Variants in SCN2B observed in about 807,000 individuals in gnomAD.
SCN2B encodes the protein sodium voltage-gated channel beta subunit 2, also known as sodium channel regulatory subunit beta-2.
A neutral mutation model predicts 18.2 loss-of-function variants in SCN2B; 14 were observed. The ratio of observed to expected loss-of-function variants is 0.77; its 90% CI spans 0.51 to 1.21. The LOEUF is 1.21. SCN2B is among the 50% of genes most tolerant of loss of function. SCN2B has a pLI of 0.00. For synonymous variants in SCN2B, 115 were observed against 115.3 expected (o/e 1.00, Z 0.02); for missense variants, 262 against 286.9 (o/e 0.91, Z 0.63).
intron 1 of SCN2B, among the ~76,000 whole-genome samples, chr11:118,171,570 G>C (rs1948431286): frequency 6.6e-6 from 1 of 152,254 alleles, no homozygotes; most frequent in African/African-American, 2.4e-5. Flanking sequence ...GGCGGACTCT[G>C]TGCGGGCCTC....
intron 1 of SCN2B, among the ~76,000 whole-genome samples, chr11:118,170,801 T>C (rs1181329016): frequency 6.6e-6 from 1 of 152,160 alleles, no homozygotes; most frequent in East Asian, 1.9e-4. Context: ...AAATGGTAGC[T>C]GCTATTATCC....
chr11:118,174,754 C>G (rs1483607899), intron 1 of SCN2B, among the ~76,000 whole-genome samples: 1 of 152,178 alleles, frequency 6.6e-6, no homozygotes, highest in East Asian at 1.9e-4. Context: ...GGGTCCTGGT[C>G]ACTGAGCCCC....
rs1311411817 is a variant in SCN2B at position 118,165,177 on chromosome 11, A to G, written c.*1710T>C. 2.0e-5 allele frequency: 3 copies of G among 152,516 alleles called. No homozygotes were observed. Among genetic ancestry groups the G allele is most frequent in the Non-Finnish European group, 2.9e-5 (2 of 68,080 alleles). The allele number at this position is 152,516 out of a possible 1,614,324, so 9.4% of individuals were successfully genotyped here. A position where few individuals can be genotyped will look rare whatever the true frequency, so the allele number is the denominator to read the frequency against. ...GAAGCCCACCCCTCCAACTCGCCCC[A>G]TCATAGACCAGGACACAGAGGCCCC... On this transcript the variant is annotated 3_prime_UTR_variant, in exon 4 of 4. Transcript: ENST00000278947.
chr11:118,176,017 G>T (rs1196092435), intron 1 of SCN2B, among the ~76,000 whole-genome samples: 1 of 152,160 alleles, frequency 6.6e-6, no homozygotes, highest in Non-Finnish European at 1.5e-5. Context: ...CCCCGCATTT[G>T]CAGCAACTCC....
At position 118,176,445 on chromosome 11, in the gene SCN2B, G is replaced by T. The variant is rs1184376322; in HGVS notation, c.-14C>A. 1 of 1,611,664 alleles carries T rather than the reference G, an allele frequency of 6.2e-7. No homozygotes were observed. Among genetic ancestry groups the T allele is most frequent in the African/African-American group, 1.3e-5 (1 of 74,656 alleles). ...ATCTCTGTGCATTTTCAGAGACTGA[G>T]ATGTTAGTCGGGTGGGCTACGGGAG... On this transcript the variant is annotated 5_prime_UTR_variant, in exon 1 of 4. Coordinates refer to ENST00000278947, the MANE Select transcript of SCN2B (RefSeq NM_004588.5).
intron 1 of SCN2B, among the ~76,000 whole-genome samples, chr11:118,172,858 T>C (rs936748902): frequency 2.6e-5 from 4 of 151,508 alleles, no homozygotes; most frequent in African/African-American, 9.7e-5. Context: ...CTTTCCACCC[T>C]ACAGCAACCT....
rs896386740 is a variant in SCN2B at position 118,169,937 on chromosome 11, C to T, written c.71-1186G>A. Among the ~76,000 whole-genome samples the T allele has an allele frequency of 1.2e-4, 19 of 152,196 alleles. 1 individual carries two copies. Among genetic ancestry groups the T allele is most frequent in the Admixed American group, 2.6e-4 (4 of 15,282 alleles). On this transcript the variant is annotated intron_variant, in intron 1 of 3. Transcript: ENST00000278947. ...CTCCTTAAATGTCACGCCCTAGGCA[C>T]CTCACTGGACTCACCTGAGCCCTGG...
intron 1 of SCN2B, among the ~76,000 whole-genome samples, chr11:118,171,612 G>T (rs1247477171): frequency 6.6e-6 from 1 of 152,250 alleles, no homozygotes; most frequent in Non-Finnish European, 1.5e-5. Flanking sequence ...CAGTGCTCCA[G>T]ATTAGAACTT....
chr11:118,174,111 T>TG (rs1948451555), intron 1 of SCN2B, among the ~76,000 whole-genome samples: 1 of 130,556 alleles, frequency 7.7e-6, no homozygotes, highest in African/African-American at 3.2e-5. Context: ...TTTTTTTTTT[T>TG]TTTTTTTTTG....
At chr11:118,169,681 C>A (rs1361116229) in intron 1 of SCN2B, among the ~76,000 whole-genome samples, 1 of 152,214 alleles carries the variant, frequency 6.6e-6, no homozygotes, top group African/African-American at 2.4e-5. Context: ...TTGAAGATGT[C>A]AACCTGGAGA....
chr11:118,173,840 A>G (rs1160888829), intron 1 of SCN2B, among the ~76,000 whole-genome samples: 1 of 152,142 alleles, frequency 6.6e-6, no homozygotes, highest in Admixed American at 6.6e-5. Flanking sequence ...CTTTCTCTCC[A>G]TGTCTGGGTC....
Position 118,170,766 on chromosome 11 carries a change from T to C in SCN2B, c.71-2015A>G, listed in dbSNP as rs76752268. On this transcript the variant is annotated intron_variant, in intron 1 of 3. Coordinates refer to ENST00000278947, the MANE Select transcript of SCN2B (RefSeq NM_004588.5). Reference sequence around the variant, plus strand: ...CGATCTCCCAGGGTTGTTTCGATAATGAAAAGAAGCAGTAAGTATTCAGCA... The same window carrying C: ...CGATCTCCCAGGGTTGTTTCGATAACGAAAAGAAGCAGTAAGTATTCAGCA... Among the ~76,000 whole-genome samples, 870 of 152,286 alleles carry C rather than the reference T, an allele frequency of 5.7e-3. 4 individuals carry two copies. The highest frequency in any genetic ancestry group is 0.02 in the East Asian group (103 of 5,180).
Position 118,166,637 on chromosome 11 carries a change from C to T in SCN2B, c.*250G>A. The T allele has an allele frequency of 1.8e-6, 1 of 554,630 alleles. No individual in the cohort carries two copies. Among genetic ancestry groups the T allele is most frequent in the South Asian group, 2.0e-5 (1 of 49,426 alleles). The allele number at this position is 554,630 out of a possible 1,614,324, so 34.4% of individuals were successfully genotyped here. On this transcript the variant is annotated 3_prime_UTR_variant, in exon 4 of 4. Coordinates refer to ENST00000278947, the MANE Select transcript of SCN2B (RefSeq NM_004588.5). ...CCTCCTGCCTCCCCCCAGGGACTGG[C>T]AGGTGGGAGCCCTTTCTCTCCTCTC...
chr11:118,170,994 A>C (rs1053370159), intron 1 of SCN2B, among the ~76,000 whole-genome samples: 14 of 151,954 alleles, frequency 9.2e-5, no homozygotes, highest in African/African-American at 2.7e-4. Flanking sequence ...CCGTAGAAGC[A>C]GCCGCCCTGC....
At position 118,168,428 on chromosome 11, in the gene SCN2B, G is replaced by A; in HGVS notation, c.238-133C>T. 4 of 1,260,182 alleles carry A rather than the reference G, an allele frequency of 3.2e-6. No homozygotes were observed. Among genetic ancestry groups the A allele is most frequent in the Non-Finnish European group, 4.6e-6 (4 of 861,352 alleles). 78.1% of individuals were successfully genotyped at this position (1,260,182 alleles called of 1,614,324 possible). ...AGTTACCTCTGTGAGGCACCTGGATGCGCAGCACACCTTGTTTCAAGAGCC... is the reference window on the plus strand; with the variant it reads ...AGTTACCTCTGTGAGGCACCTGGATACGCAGCACACCTTGTTTCAAGAGCC... On this transcript the variant is annotated intron_variant, in intron 2 of 3. Coordinates refer to ENST00000278947, the MANE Select transcript of SCN2B (RefSeq NM_004588.5). The surrounding 1 kb of genome is among the most constrained non-coding windows in gnomAD (Gnocchi z 4.7).
intron 3 of SCN2B, among the ~76,000 whole-genome samples, chr11:118,167,375 G>C (rs988338865): frequency 1.3e-5 from 2 of 152,188 alleles, no homozygotes; most frequent in African/African-American, 4.8e-5. Flanking sequence ...TACGAATTGC[G>C]TGACCTTAAG....
intron 1 of SCN2B, among the ~76,000 whole-genome samples, chr11:118,174,637 C>T (rs761523315): frequency 6.6e-6 from 1 of 152,304 alleles, no homozygotes; most frequent in East Asian, 1.9e-4. Context: ...TCCTCTCCCA[C>T]TCAGCTTTGC....
chr11:118,176,508 T>C lies in SCN2B; in HGVS notation c.-77A>G, dbSNP rs755812454. On this transcript the variant is annotated 5_prime_UTR_variant, in exon 1 of 4. Transcript: ENST00000278947. Reference sequence around the variant, plus strand: ...GGGGGCGAGAACTACAAGGGAGGAATGGTTGGATGCTAAAAAAAAATGCAC... The same window carrying C: ...GGGGGCGAGAACTACAAGGGAGGAACGGTTGGATGCTAAAAAAAAATGCAC... 2 of 1,057,614 alleles carry C rather than the reference T, an allele frequency of 1.9e-6. No individual in the cohort carries two copies. Among genetic ancestry groups the C allele is most frequent in the Non-Finnish European group, 3.0e-6 (2 of 674,540 alleles). 65.5% of individuals were successfully genotyped at this position (1,057,614 alleles called of 1,614,324 possible). A position where few individuals can be genotyped will look rare whatever the true frequency, so the allele number is the denominator to read the frequency against.
intron 1 of SCN2B, among the ~76,000 whole-genome samples, chr11:118,174,462 C>T (rs183821029): frequency 1.3e-5 from 2 of 152,264 alleles, no homozygotes; most frequent in East Asian, 3.9e-4. Flanking sequence ...CCAGCCCCGA[C>T]AGAGTCCCCT....
Sources: gnomAD v4.1 joint callset for allele counts (sites outside exome capture counted in the v4.1 genomes callset) on GRCh38, gnomAD v4.1.1 for gene constraint, Gnocchi (gnomAD v3.1) non-coding constraint, MANE v1.5 for transcripts, NCBI Gene and HGNC (gene_info 2026-07-23, HGNC 2026-07-21) for gene names.